Variants in PALM2AKAP2 observed in about 807,000 individuals in gnomAD.
The protein encoded by PALM2AKAP2 is PALM2-AKAP2 fusion protein.
Under a neutral mutation model 71.5 loss-of-function variants are expected in PALM2AKAP2, and 37 were observed. That is an observed-to-expected ratio of 0.52 (90% CI 0.40 to 0.68). The LOEUF is 0.68. Ranked by LOEUF, PALM2AKAP2 falls within the 30% of genes least tolerant of loss-of-function variation. PALM2AKAP2 has a pLI of 0.00. For synonymous variants in PALM2AKAP2, 468 were observed against 478.8 expected (o/e 0.98, Z 0.29); for missense variants, 1,224 against 1,191.8 (o/e 1.03, Z -0.40).
At chr9:109,848,487 A>G (rs1380418133) in intron 1 of PALM2AKAP2, among the ~76,000 whole-genome samples, 3 of 152,088 alleles carry the variant, frequency 2.0e-5, no homozygotes, top group Admixed American at 2.0e-4. Flanking sequence ...CACTTCCAAC[A>G]CACACCCACA....
intron 3 of PALM2AKAP2, among the ~76,000 whole-genome samples, chr9:109,919,427 A>T (rs1830772717): frequency 6.6e-6 from 1 of 152,214 alleles, no homozygotes; most frequent in Non-Finnish European, 1.5e-5. Context: ...ATTGTTTTTT[A>T]AAAATGAAAT....
At chr9:109,991,518 C>T (rs748228985) in intron 6 of PALM2AKAP2, among the ~76,000 whole-genome samples, 1 of 152,122 alleles carries the variant, frequency 6.6e-6, no homozygotes, top group Non-Finnish European at 1.5e-5. Flanking sequence ...GGATTACAGG[C>T]GTGAGCCACC....
chr9:110,078,916 C>T (rs78681980), intron 1 of PALM2AKAP2, among the ~76,000 whole-genome samples: 1,855 of 152,266 alleles, frequency 0.012, 40 homozygotes, highest in African/African-American at 0.041. Flanking sequence ...TGATCTTTGT[C>T]GGCAAAGGTG....
At chr9:110,025,068 G>C (rs1284819800) in intron 7 of PALM2AKAP2, 1 of 1,104,000 alleles carries the variant, frequency 9.1e-7, no homozygotes, top group Non-Finnish European at 1.4e-6. Flanking sequence ...TCGGCTCAGA[G>C]TGCTTAATGT....
chr9:109,818,766 T>C (rs1223636458), intron 1 of PALM2AKAP2, among the ~76,000 whole-genome samples: 5 of 152,152 alleles, frequency 3.3e-5, no homozygotes, highest in Admixed American at 6.5e-5. Context: ...CACTGTACTT[T>C]CGAAATAAGA....
chr9:109,691,865 TATACACACACACACAC>T (rs1292064405), intron 1 of PALM2AKAP2, among the ~76,000 whole-genome samples: 110 of 45,286 alleles, frequency 2.4e-3, no homozygotes, highest in African/African-American at 3.8e-3. Context: ...TATATATATA[TATACACACACACACAC>T]ATATATATAT....
chr9:109,862,077 T>G (rs1829325461), intron 1 of PALM2AKAP2, among the ~76,000 whole-genome samples: 1 of 152,144 alleles, frequency 6.6e-6, no homozygotes, highest in Admixed American at 6.5e-5. Context: ...AGAGAAGATG[T>G]GTAAATAGTT....
intron 1 of PALM2AKAP2, among the ~76,000 whole-genome samples, chr9:110,117,977 G>C (rs1170196882): frequency 6.9e-6 from 1 of 145,036 alleles, no homozygotes; most frequent in Admixed American, 6.8e-5. Flanking sequence ...GTCGTTTTGT[G>C]TGTGTGTGTG....
At chr9:109,986,335 A>C (rs1413199313) in intron 6 of PALM2AKAP2, among the ~76,000 whole-genome samples, 1 of 152,198 alleles carries the variant, frequency 6.6e-6, no homozygotes, top group Non-Finnish European at 1.5e-5. Context: ...GATCTGTCTT[A>C]ATTTAGCTGT....
chr9:109,824,388 G>A (rs1828088615), intron 1 of PALM2AKAP2, among the ~76,000 whole-genome samples: 1 of 152,168 alleles, frequency 6.6e-6, no homozygotes. Flanking sequence ...CTGCTAGACT[G>A]CTAGGGGTGG....
chr9:109,723,031 G>T (rs1828427818), intron 1 of PALM2AKAP2, among the ~76,000 whole-genome samples: 1 of 152,130 alleles, frequency 6.6e-6, no homozygotes, highest in Admixed American at 6.5e-5. Context: ...TCCGCAAAAA[G>T]CACTGTGCCT....
chr9:109,710,841 C>T (rs779452954), intron 1 of PALM2AKAP2, among the ~76,000 whole-genome samples: 1 of 152,138 alleles, frequency 6.6e-6, no homozygotes, highest in Non-Finnish European at 1.5e-5. Context: ...CTGCCATTGG[C>T]TCCATGGGCC....
chr9:109,933,225 T>C (rs1831148058), intron 6 of PALM2AKAP2, among the ~76,000 whole-genome samples: 1 of 152,246 alleles, frequency 6.6e-6, no homozygotes, highest in African/African-American at 2.4e-5. Flanking sequence ...CCTGCAGTTA[T>C]GCTTCAAAGG....
chr9:109,688,500 C>T (rs1332113237), intron 1 of PALM2AKAP2, among the ~76,000 whole-genome samples: 6 of 152,218 alleles, frequency 3.9e-5, no homozygotes, highest in Non-Finnish European at 5.9e-5. Flanking sequence ...GCAGCCTGAT[C>T]CCTCAGAATA....
rs1007373022 is a variant in PALM2AKAP2, at chr9:109,789,578, G to A, written c.45+9045G>A. Reference sequence around the variant, plus strand: ...ATTTTTGGAAGGATTCTGCCTCACCGGATCTCTTGTATATCTTAAAACACA... The same window carrying A: ...ATTTTTGGAAGGATTCTGCCTCACCAGATCTCTTGTATATCTTAAAACACA... On this transcript the variant is annotated intron_variant, in intron 1 of 9. Coordinates refer to the PALM2AKAP2 transcript ENST00000302798. Among the ~76,000 whole-genome samples the A allele has an allele frequency of 4.6e-5, 7 of 152,220 alleles. No homozygotes were observed. In the South Asian group the frequency reaches 8.3e-4, roughly 18 times the overall value.
chr9:109,749,681 G>T (rs1828857172), intron 1 of PALM2AKAP2, among the ~76,000 whole-genome samples: 1 of 152,048 alleles, frequency 6.6e-6, no homozygotes, highest in Admixed American at 6.6e-5. Context: ...GGACCATTTT[G>T]CTGTTGTCTA....
intron 6 of PALM2AKAP2, among the ~76,000 whole-genome samples, chr9:109,935,003 G>A (rs970978314): frequency 2.0e-5 from 3 of 152,194 alleles, no homozygotes; most frequent in Non-Finnish European, 2.9e-5. Flanking sequence ...GAGGCACTGA[G>A]GAACCACAGC....
chr9:109,943,262 A>T, intron 6 of PALM2AKAP2: 1 of 1,614,246 alleles, frequency 6.2e-7, no homozygotes, highest in Non-Finnish European at 8.5e-7. Flanking sequence ...ACAGTGACGG[A>T]CGTGTCCACT....
At chr9:109,825,225 G>A (rs1828114239) in intron 1 of PALM2AKAP2, among the ~76,000 whole-genome samples, 1 of 152,194 alleles carries the variant, frequency 6.6e-6, no homozygotes, top group Non-Finnish European at 1.5e-5. Flanking sequence ...ATGGATTAAA[G>A]ACTTAAATGT....
Sources: allele counts gnomAD v4.1 joint callset (sites outside exome capture counted in the v4.1 genomes callset), GRCh38; gene constraint gnomAD v4.1.1; transcripts MANE v1.5; gene names NCBI Gene and HGNC (gene_info 2026-07-23, HGNC 2026-07-21).